PTPRD: variants seen among roughly 807,000 people sequenced by gnomAD.
PTPRD encodes the protein protein tyrosine phosphatase receptor type D.
In PTPRD, 34 loss-of-function variants were observed where a neutral mutation model predicts 214.5. The ratio of observed to expected loss-of-function variants is 0.16; its 90% confidence interval spans 0.12 to 0.21. The LOEUF (loss-of-function observed/expected upper bound fraction) is 0.21. PTPRD is among the 10% of genes least tolerant of loss of function. The probability of loss-of-function intolerance (pLI) is 1.00; values close to 1 mark genes in which losing one functional copy is unlikely to be tolerated. For synonymous variants in PTPRD, 1,128 were observed against 845.7 expected (o/e 1.33, Z -5.79); for missense variants, 2,545 against 2,398.7 (o/e 1.06, Z -1.27).
intron 10 of PTPRD, among the ~76,000 whole-genome samples, chr9:9,082,723 A>C (rs776208430): frequency 6.6e-6 from 1 of 152,056 alleles, no homozygotes; most frequent in East Asian, 1.9e-4. Flanking sequence ...CAAAATCAAC[A>C]TGCAAAAATC....
intron 11 of PTPRD, among the ~76,000 whole-genome samples, chr9:8,736,087 T>C (rs1222605925): frequency 1.3e-5 from 2 of 152,090 alleles, no homozygotes; most frequent in Non-Finnish European, 2.9e-5. Flanking sequence ...GACAACTGGA[T>C]CAGGGATGAT....
At chr9:9,609,228 T>C (rs1420992727) in intron 7 of PTPRD, among the ~76,000 whole-genome samples, 2 of 152,188 alleles carry the variant, frequency 1.3e-5, no homozygotes, top group Admixed American at 1.3e-4. Flanking sequence ...AAACTCAGCA[T>C]GTACTTAAAA....
chr9:8,583,706 G>A (rs2093387192), intron 14 of PTPRD, among the ~76,000 whole-genome samples: 1 of 152,186 alleles, frequency 6.6e-6, no homozygotes, highest in African/African-American at 2.4e-5. Flanking sequence ...TCTGTTATGG[G>A]AGGTGGGAGG....
intron 11 of PTPRD, among the ~76,000 whole-genome samples, chr9:8,780,179 C>CA (rs1278244178): frequency 4.6e-5 from 7 of 152,040 alleles, no homozygotes; most frequent in Non-Finnish European, 7.4e-5. Context: ...ATTATTGACA[C>CA]AAAATTATAA....
intron 10 of PTPRD, among the ~76,000 whole-genome samples, chr9:9,052,942 A>G (rs1485770268): frequency 6.6e-6 from 1 of 152,196 alleles, no homozygotes; most frequent in Non-Finnish European, 1.5e-5. Context: ...AAATAATTTT[A>G]CGTACTGAAA....
chr9:9,444,055 A>G (rs1438285142), intron 8 of PTPRD, among the ~76,000 whole-genome samples: 1 of 152,172 alleles, frequency 6.6e-6, no homozygotes, highest in Non-Finnish European at 1.5e-5. Context: ...GGATTGGACT[A>G]TTTCTTGAGT....
chr9:9,231,055 G>A (rs1224489827), intron 9 of PTPRD, among the ~76,000 whole-genome samples: 2 of 151,980 alleles, frequency 1.3e-5, no homozygotes, highest in African/African-American at 4.8e-5. Context: ...ATGTCTGTCG[G>A]GGGGAGGGGG....
intron 11 of PTPRD, among the ~76,000 whole-genome samples, chr9:8,760,467 T>C (rs535316871): frequency 6.6e-6 from 1 of 152,230 alleles, no homozygotes; most frequent in Non-Finnish European, 1.5e-5. Flanking sequence ...TGTTATTTCA[T>C]TGCTGAGCTA....
At chr9:10,345,496 A>G (rs986355946) in intron 2 of PTPRD, among the ~76,000 whole-genome samples, 2 of 139,120 alleles carry the variant, frequency 1.4e-5, no homozygotes. Context: ...ACTCCCACTT[A>G]TGAGTGAGAA....
At chr9:9,591,696 T>A (rs2092747036) in intron 7 of PTPRD, among the ~76,000 whole-genome samples, 1 of 152,082 alleles carries the variant, frequency 6.6e-6, no homozygotes, top group Non-Finnish European at 1.5e-5. Flanking sequence ...AATTGACACA[T>A]AAGTGTGTAT....
chr9:9,299,008 GC>G (rs1195643285), intron 9 of PTPRD, among the ~76,000 whole-genome samples: 2 of 151,610 alleles, frequency 1.3e-5, no homozygotes, highest in African/African-American at 4.8e-5. Flanking sequence ...TGGCTTCTTT[GC>G]CAACTTCATT....
At chr9:9,747,734 G>C (rs1453457322) in intron 6 of PTPRD, among the ~76,000 whole-genome samples, 1 of 151,894 alleles carries the variant, frequency 6.6e-6, no homozygotes, top group African/African-American at 2.4e-5. Context: ...TGTATTTTTA[G>C]TAGAGACAGG....
intron 3 of PTPRD, among the ~76,000 whole-genome samples, chr9:10,311,086 T>A (rs900219177): frequency 1.3e-5 from 2 of 152,038 alleles, no homozygotes; most frequent in Non-Finnish European, 2.9e-5. Flanking sequence ...TATACCGATT[T>A]TTTTTTTACT....
intron 3 of PTPRD, among the ~76,000 whole-genome samples, chr9:10,228,831 T>G (rs902425122): frequency 6.6e-6 from 1 of 151,318 alleles, no homozygotes; most frequent in Non-Finnish European, 1.5e-5. Flanking sequence ...TATAAAAGTT[T>G]ATCTCTGCTT....
chr9:10,337,737 G>A (rs918414523), intron 3 of PTPRD, among the ~76,000 whole-genome samples: 1 of 151,684 alleles, frequency 6.6e-6, no homozygotes, highest in Non-Finnish European at 1.5e-5. Flanking sequence ...CTTAGAGCCA[G>A]TCTATGAGGT....
At chr9:10,605,840 G>C (rs1332564559) in intron 2 of PTPRD, among the ~76,000 whole-genome samples, 1 of 151,740 alleles carries the variant, frequency 6.6e-6, no homozygotes, top group East Asian at 1.9e-4. Flanking sequence ...ACACATAGGA[G>C]ACTCAATACA....
chr9:8,934,446 TAA>T (rs1377395902), intron 11 of PTPRD, among the ~76,000 whole-genome samples: 3 of 37,524 alleles, frequency 8.0e-5, no homozygotes, highest in African/African-American at 2.9e-4. Context: ...AATATATATA[TAA>T]ATTTATATAT....
At chr9:9,779,078 C>CCAAAAAAAAAAAA (rs1282567404) in intron 5 of PTPRD, among the ~76,000 whole-genome samples, 2 of 45,456 alleles carry the variant, frequency 4.4e-5, no homozygotes, top group Non-Finnish European at 8.1e-5. Flanking sequence ...ATAAGACTGA[C>CCAAAAAAAAAAAA]AAAAAAAAAA....
At chr9:8,505,277 A>G (rs758841629) in intron 22 of PTPRD, among the ~76,000 whole-genome samples, 20 of 152,156 alleles carry the variant, frequency 1.3e-4, no homozygotes, top group Admixed American at 2.6e-4. Context: ...GGTGTGTGTA[A>G]TCTTAACACT....
Sources: gnomAD v4.1 joint callset for allele counts (sites outside exome capture counted in the v4.1 genomes callset) on GRCh38, gnomAD v4.1.1 for gene constraint, MANE v1.5 for transcripts, NCBI Gene and HGNC (gene_info 2026-07-23, HGNC 2026-07-21) for gene names.